Variants in SLC22A11 observed in about 807,000 individuals in gnomAD.
The protein encoded by SLC22A11 is solute carrier family 22 member 11.
Under a neutral mutation model 49.4 loss-of-function variants are expected in SLC22A11, and 42 were observed. The observed-to-expected ratio is 0.85, with a 90% CI of 0.66 to 1.10. The LOEUF (loss-of-function observed/expected upper bound fraction) is 1.10. Ranked by LOEUF, SLC22A11 falls within the 50% of genes least tolerant of loss-of-function variation. The probability of loss-of-function intolerance (pLI) is 0.00; values close to 1 mark genes in which losing one functional copy is unlikely to be tolerated. For synonymous variants in SLC22A11, 304 were observed against 315.8 expected, an observed-to-expected ratio of 0.96 and a Z score of 0.40; for missense variants, 685 against 731.6, an observed-to-expected ratio of 0.94 and a Z score of 0.74.
rs772006989 is a variant in SLC22A11, at chr11:64,564,064, G to A, written c.822-244G>A. The stretch of plus-strand genomic sequence containing the variant: ...TGCAGGGCTCAGGTGGGCAGGCCCC[G>A]GGCAGCCAGGCGAGCCAGATGGAGG... On this transcript the variant is annotated intron_variant, in intron 4 of 9. Coordinates refer to ENST00000301891, the MANE Select transcript of SLC22A11 (RefSeq NM_018484.4). The surrounding 1 kb of genome is among the most constrained non-coding windows in gnomAD (Gnocchi z 4.2). 3.9e-5 allele frequency among the ~76,000 whole-genome samples: 6 copies of A among 152,160 alleles called. No homozygotes were observed. Among genetic ancestry groups the A allele is most frequent in the East Asian group, 1.9e-4 (1 of 5,188 alleles).
intron 7 of SLC22A11, 29 bp downstream of exon 7, chr11:64,567,842 C>G (rs749571952): frequency 2.6e-6 from 4 of 1,545,314 alleles, no homozygotes; most frequent in African/African-American, 1.4e-5. Flanking sequence ...GCGGTGGGAC[C>G]GGGCCCTGCT....
At position 64,564,522 on chromosome 11, in the gene SLC22A11, C is replaced by T. The variant is rs1198545232; in HGVS notation, c.942+94C>T. 1 of 1,463,730 alleles carries T rather than the reference C, an allele frequency of 6.8e-7. No homozygotes were observed. The highest frequency in any genetic ancestry group is 9.4e-7 in the Non-Finnish European group (1 of 1,069,412). 90.7% of individuals were successfully genotyped at this position (1,463,730 alleles called of 1,614,324 possible). A position where few individuals can be genotyped will look rare whatever the true frequency, so the allele number is the denominator to read the frequency against. On this transcript the variant is annotated intron_variant, in intron 5 of 9. Coordinates refer to ENST00000301891, the MANE Select transcript of SLC22A11 (RefSeq NM_018484.4). The surrounding 1 kb of genome is among the most constrained non-coding windows in gnomAD (Gnocchi z 4.2). ...TCCAACAGCACCACCCACTCCAGCA[C>T]CACCTCCACCAGCACCACCACCAGC...
Position 64,561,254 on chromosome 11 carries a change from G to A in SLC22A11, c.498-750G>A, listed in dbSNP as rs182256374. On this transcript the variant is annotated intron_variant, in intron 2 of 9. Coordinates refer to ENST00000301891, the MANE Select transcript of SLC22A11 (RefSeq NM_018484.4). ...TGAGAGCAGTGGATTGCAAAGTCTC[G>A]GCCTCCTTACTCCCTGGCCCCTTGC... Among the ~76,000 whole-genome samples the A allele has an allele frequency of 1.9e-4, 29 of 152,256 alleles. No individual in the cohort carries two copies. The Middle Eastern group carries it at 0.017, about 89-fold the overall frequency.
At position 64,556,071 on chromosome 11, in the gene SLC22A11, C is replaced by T; in HGVS notation, c.72C>T (p.Phe24=). ...GLFQTLQVLT[F]ILPCLMIPSQ... The stretch of plus-strand genomic sequence containing the variant: ...TCCAGACCCTGCAGGTGCTCACCTT[C>T]ATCCTCCCCTGCCTCATGATACCTT... The change falls in exon 1 of 10, where the codon TTC becomes TTT. Residue 24 remains phenylalanine, a synonymous_variant. Coordinates refer to ENST00000301891, the MANE Select transcript of SLC22A11 (RefSeq NM_018484.4). The T allele has an allele frequency of 6.2e-7, 1 of 1,614,062 alleles. No individual in the cohort carries two copies. Among genetic ancestry groups the T allele is most frequent in the Non-Finnish European group, 8.5e-7 (1 of 1,180,038 alleles).
chr11:64,560,482 C>T (rs143478091), intron 2 of SLC22A11, among the ~76,000 whole-genome samples: 6 of 152,336 alleles, frequency 3.9e-5, no homozygotes, highest in Non-Finnish European at 7.4e-5. Context: ...CCTGGGGCCC[C>T]CTGCACGCCT....
chr11:64,565,293 C>T lies in SLC22A11; in HGVS notation c.1014C>T (p.Cys338=), dbSNP rs150697026. ...KEPRSVLDLF[C]VPVLRWRSCA... Reference sequence around the variant, plus strand: ...CGCGGTCGGTGCTGGACCTGTTCTGCGTGCCCGTGCTCCGCTGGAGGAGCT... The same window carrying T: ...CGCGGTCGGTGCTGGACCTGTTCTGTGTGCCCGTGCTCCGCTGGAGGAGCT... The change falls in exon 6 of 10, where the codon TGC becomes TGT. Residue 338 remains cysteine (C), a synonymous_variant. Coordinates refer to ENST00000301891, the MANE Select transcript of SLC22A11 (RefSeq NM_018484.4). This position sits in a 1 kb window ranked among gnomAD's most constrained non-coding sequence, Gnocchi z 4.1. The T allele has an allele frequency of 3.0e-4, 472 of 1,551,066 alleles. 8 individuals carry two copies. In the South Asian group the frequency reaches 3.1e-3, roughly 10 times the overall value.
intron 1 of SLC22A11, among the ~76,000 whole-genome samples, chr11:64,557,450 G>C (rs1023863960): frequency 3.9e-5 from 6 of 152,168 alleles, no homozygotes; most frequent in Admixed American, 2.6e-4. Flanking sequence ...TGACATCGAG[G>C]CTGGGATGGT....
In SLC22A11 at chr11:64,564,500, A is replaced by G; in HGVS notation, c.942+72A>G. 1.3e-6 allele frequency: 2 copies of G among 1,572,522 alleles called. No homozygotes were observed. Among genetic ancestry groups the G allele is most frequent in the Non-Finnish European group, 1.7e-6 (2 of 1,153,476 alleles). On this transcript the variant is annotated intron_variant, in intron 5 of 9. Transcript: ENST00000301891. The surrounding 1 kb of genome is among the most constrained non-coding windows in gnomAD (Gnocchi z 4.2). ...CTGAGGGATCATCCGTGTGGCCTCC[A>G]ACAGCACCACCCACTCCAGCACCAC...
chr11:64,569,891 G>T (rs764620621), intron 9 of SLC22A11, 33 bp downstream of exon 9: 2 of 1,605,166 alleles, frequency 1.2e-6, no homozygotes, highest in Non-Finnish European at 1.7e-6. Context: ...GCATCGGGCT[G>T]GGCTTCCTCC....
Position 64,562,016 on chromosome 11 carries a change from G to A in SLC22A11, c.510G>A (p.Lys170=). 6.2e-7 allele frequency: 1 copy of A among 1,612,946 alleles called. No homozygotes were observed. ...WGLLSYRFGR[K]PMLSWCCLQL... ...TCTCCTGTGACAGGTTTGGGAGGAAGCCGATGCTGAGCTGGTGCTGCCTGC... is the reference window on the plus strand; with the variant it reads ...TCTCCTGTGACAGGTTTGGGAGGAAACCGATGCTGAGCTGGTGCTGCCTGC... The change falls in exon 3 of 10, where the codon AAG becomes AAA. Residue 170 remains lysine (K), a synonymous_variant. Coordinates refer to ENST00000301891, the MANE Select transcript of SLC22A11 (RefSeq NM_018484.4). This position sits in a 1 kb window ranked among gnomAD's most constrained non-coding sequence, Gnocchi z 4.4.
chr11:64,559,005 GGTCCTCTCTACCTCTGT>G, intron 1 of SLC22A11, 113 bp from the exon 2 acceptor site: 3 of 756,634 alleles, frequency 4.0e-6, no homozygotes, highest in Non-Finnish European at 6.9e-6. Flanking sequence ...ATGGCCAGCA[GGTCCTCTCTACCTCTGT>G]GACCTGGCAC....
intron 8 of SLC22A11, 121 bp from the exon 9 acceptor site, chr11:64,569,531 G>A: frequency 1.0e-6 from 1 of 1,001,334 alleles, no homozygotes. Context: ...ATTAGAGGAG[G>A]CCTTGAGGAG....
intron 8 of SLC22A11, among the ~76,000 whole-genome samples, chr11:64,569,212 T>C (rs973898374): frequency 2.6e-5 from 4 of 152,142 alleles, no homozygotes; most frequent in African/African-American, 9.7e-5. Flanking sequence ...GATATTTGGG[T>C]AAACTGAGGC....
rs142153064 is a variant in SLC22A11 at position 64,568,738 on chromosome 11, C to T, written c.1342C>T (p.Leu448Phe). The T allele has an allele frequency of 1.3e-5, 21 of 1,614,046 alleles. No homozygotes were observed. In the African/African-American group the frequency reaches 2.7e-4, roughly 21 times the overall value. ...ATGTTTTGGGATAAGCCTAACCTGC[C>T]TCACCATCTACAAGGCTGAACTCTT... is the stretch of plus-strand genomic sequence containing the variant. ...KGCFGISLTC[L>F]TIYKAELFPT... The change falls in exon 8 of 10, where the codon CTC becomes TTC. Residue 448 changes from leucine to phenylalanine, a missense_variant. Transcript: ENST00000301891.
rs758987599 is a variant in SLC22A11 at position 64,562,292 on chromosome 11, G to C, written c.678G>C (p.Arg226Ser). 1.2e-6 allele frequency: 2 copies of C among 1,607,834 alleles called. No individual in the cohort carries two copies. Among genetic ancestry groups the C allele is most frequent in the South Asian group, 2.2e-5 (2 of 90,740 alleles). The change falls in exon 4 of 10, where the codon AGG (arginine) becomes AGC (serine). Residue 226 changes from arginine to serine, a missense_variant. Physicochemically the swap from Arg to Ser is moderately radical, Grantham distance 110. Transcript: ENST00000301891. This position sits in a 1 kb window ranked among gnomAD's most constrained non-coding sequence, Gnocchi z 4.4. ...TLMVEWTTTS[R>S]RAVTMTVVGC... ...TGGTGGAGTGGACCACGACCAGCAG[G>C]AGGGCGGTCACCATGACGGTGGTGG...
At chr11:64,569,470 C>T (rs2038673738) in intron 8 of SLC22A11, among the ~76,000 whole-genome samples, 182 bp from the exon 9 acceptor site, 1 of 152,098 alleles carries the variant, frequency 6.6e-6, no homozygotes, top group South Asian at 2.1e-4. Context: ...TAGAGATTTC[C>T]CCTGAAACAC....
chr11:64,570,888 C>A (rs1294360164), intron 9 of SLC22A11, 91 bp from the exon 10 acceptor site: 1 of 1,232,052 alleles, frequency 8.1e-7, no homozygotes, highest in Admixed American at 1.7e-5. Flanking sequence ...TAGAGTTTAC[C>A]CCCCAATAAG....
chr11:64,567,709 C>A lies in SLC22A11; in HGVS notation c.1169C>A (p.Ala390Asp). ...LFGAVDFLGR[A>D]TTALLLSFLG... is the part of the protein sequence containing the mutation. ...GGGGCCGTGGACTTCCTGGGCCGGG[C>A]CACCACTGCCCTCTTGCTCAGTTTC... The change falls in exon 7 of 10, where the codon GCC (alanine) becomes GAC (aspartate). Residue 390 changes from alanine (A) to aspartate (D), a missense_variant. By Grantham distance (126) the Ala-to-Asp change is moderately radical. Transcript: ENST00000301891. The A allele has an allele frequency of 6.2e-7, 1 of 1,613,908 alleles. No homozygotes were observed. Among genetic ancestry groups the A allele is most frequent in the African/African-American group, 1.3e-5 (1 of 75,062 alleles).
At chr11:64,557,206 A>C (rs2038474655) in intron 1 of SLC22A11, among the ~76,000 whole-genome samples, 1 of 152,212 alleles carries the variant, frequency 6.6e-6, no homozygotes, top group African/African-American at 2.4e-5. Flanking sequence ...GATGGGTCCT[A>C]TGACAGTCCT....
Sources: gnomAD v4.1 joint callset for allele counts (sites outside exome capture counted in the v4.1 genomes callset) on GRCh38, gnomAD v4.1.1 for gene constraint, Gnocchi (gnomAD v3.1) non-coding constraint, MANE v1.5 for transcripts, NCBI Gene and HGNC (gene_info 2026-07-23, HGNC 2026-07-21) for gene names.